OSBPL8: variants seen among roughly 807,000 people sequenced by gnomAD.
The protein encoded by OSBPL8 is oxysterol-binding protein-related protein 8.
A neutral mutation model predicts 125.5 loss-of-function variants in OSBPL8; 59 were observed. The ratio of observed to expected loss-of-function variants is 0.47; its 90% confidence interval spans 0.38 to 0.58. The LOEUF is 0.58. Ranked by LOEUF, OSBPL8 falls within the 20% of genes least tolerant of loss-of-function variation. The pLI, the probability that OSBPL8 is intolerant of heterozygous loss-of-function variation, is 0.00. For missense variants in OSBPL8, 758 were observed against 1,047.8 expected (o/e 0.72, Z 3.82); for synonymous variants, 330 against 338.9 (o/e 0.97, Z 0.29).
At chr12:76,408,394 A>G (rs539480755) in intron 5 of OSBPL8, among the ~76,000 whole-genome samples, 2 of 148,716 alleles carry the variant, frequency 1.3e-5, no homozygotes, top group South Asian at 2.2e-4. Context: ...CCCAGGAGGC[A>G]GAGCTTGCAG....
chr12:76,356,632 A>C lies in OSBPL8; in HGVS notation c.2531T>G (p.Ile844Ser). The C allele has an allele frequency of 6.3e-7, 1 of 1,588,878 alleles. No homozygotes were observed. ...AGTGTCATTATATTATTACCTTTTA[A>C]TTTCTTCCTGTGTTTGTTTTATAGA... ...IESIKQTQEEIKRNIMALRNH... is the reference protein window; with the variant it reads ...IESIKQTQEESKRNIMALRNH... Residue 844 changes from isoleucine to serine, a missense_variant, in exon 23 of 24, where the codon ATT (isoleucine) becomes AGT (serine). Physicochemically the swap from Ile to Ser is moderately radical, Grantham distance 142. This residue lies in a region of OSBPL8 where 572 missense variants were observed against 762.0 expected (regional missense o/e 0.75). Coordinates refer to ENST00000261183, the MANE Select transcript of OSBPL8 (RefSeq NM_020841.5).
chr12:76,393,584 G>A (rs975179701), intron 9 of OSBPL8, among the ~76,000 whole-genome samples: 4 of 151,450 alleles, frequency 2.6e-5, no homozygotes, highest in South Asian at 2.1e-4. Flanking sequence ...GGTGGCAGGC[G>A]CCTGTAGTCC....
At chr12:76,379,518 C>T (rs1952956940) in intron 15 of OSBPL8, among the ~76,000 whole-genome samples, 2 of 152,242 alleles carry the variant, frequency 1.3e-5, no homozygotes, top group East Asian at 1.9e-4. Context: ...TCCTCCTTGC[C>T]CCTGAGCAGT....
At chr12:76,373,711 G>A (rs1330475989) in intron 17 of OSBPL8, among the ~76,000 whole-genome samples, 2 of 107,484 alleles carry the variant, frequency 1.9e-5, no homozygotes, top group Non-Finnish European at 3.8e-5. Context: ...CATGTTCCAT[G>A]TATGCTCAAA....
chr12:76,484,064 T>C (rs1877863557), intron 2 of OSBPL8, among the ~76,000 whole-genome samples: 1 of 152,142 alleles, frequency 6.6e-6, no homozygotes, highest in Non-Finnish European at 1.5e-5. Flanking sequence ...TGACAAACCA[T>C]TACTTGCAGA....
chr12:76,494,208 T>G (rs1057157503), intron 1 of OSBPL8, among the ~76,000 whole-genome samples: 1 of 152,212 alleles, frequency 6.6e-6, no homozygotes, highest in African/African-American at 2.4e-5. Flanking sequence ...GTTTTCTTGC[T>G]TTTTCATGTT....
chr12:76,352,209 T>C lies in OSBPL8; in HGVS notation c.*3680A>G, dbSNP rs1361692240. The C allele has an allele frequency of 1.3e-5, 2 of 152,546 alleles. No individual in the cohort carries two copies. Among genetic ancestry groups the C allele is most frequent in the Non-Finnish European group, 1.5e-5 (1 of 68,012 alleles). The allele number at this position is 152,546 out of a possible 1,614,324, so 9.4% of individuals were successfully genotyped here. A position where few individuals can be genotyped will look rare whatever the true frequency, so the allele number is the denominator to read the frequency against. ...CATTTTTTTTCTTTAAGTGAAAAAT[T>C]TTGATACTGTAAAACAGTTTTACAT... On this transcript the variant is annotated 3_prime_UTR_variant, in exon 24 of 24. Coordinates refer to ENST00000261183, the MANE Select transcript of OSBPL8 (RefSeq NM_020841.5).
chr12:76,356,163 G>C (rs1592504724), intron 23 of OSBPL8, 142 bp from the exon 24 acceptor site: 2 of 221,678 alleles, frequency 9.0e-6, no homozygotes, highest in African/African-American at 1.0e-4. Context: ...ATGTAGGGGT[G>C]GGGGGGGGCG....
At chr12:76,421,036 T>C (rs1869411065) in intron 4 of OSBPL8, among the ~76,000 whole-genome samples, 1 of 152,056 alleles carries the variant, frequency 6.6e-6, no homozygotes, top group South Asian at 2.1e-4. Flanking sequence ...TTTAACTGCC[T>C]AATTAAATAA....
intron 1 of OSBPL8, among the ~76,000 whole-genome samples, chr12:76,494,328 C>G (rs2137070020): frequency 6.6e-6 from 1 of 152,228 alleles, no homozygotes; most frequent in South Asian, 2.1e-4. Flanking sequence ...CATTCTAGGG[C>G]ACTGACTGGG....
At chr12:76,456,364 G>A (rs1007531758) in intron 3 of OSBPL8, among the ~76,000 whole-genome samples, 1 of 152,098 alleles carries the variant, frequency 6.6e-6, no homozygotes, top group African/African-American at 2.4e-5. Context: ...AGTCAAAAAT[G>A]TGTATTTAGG....
intron 1 of OSBPL8, among the ~76,000 whole-genome samples, chr12:76,504,279 A>G (rs1880198733): frequency 3.3e-5 from 5 of 152,090 alleles, no homozygotes; most frequent in African/African-American, 7.2e-5. Flanking sequence ...CTGTTTTTCT[A>G]GAGTACCCTG....
chr12:76,395,692 C>A (rs1363050775), intron 8 of OSBPL8, among the ~76,000 whole-genome samples: 1 of 151,950 alleles, frequency 6.6e-6, no homozygotes, highest in Non-Finnish European at 1.5e-5. Context: ...TTTATGTGTA[C>A]AATGGGAAGA....
At chr12:76,485,503 C>T (rs532346071) in intron 2 of OSBPL8, among the ~76,000 whole-genome samples, 7 of 152,150 alleles carry the variant, frequency 4.6e-5, no homozygotes, top group East Asian at 3.9e-4. Context: ...AACCAGGAGG[C>T]GGAGGTTGCG....
At chr12:76,382,629 C>T (rs200173386) in intron 15 of OSBPL8, among the ~76,000 whole-genome samples, 5 of 152,062 alleles carry the variant, frequency 3.3e-5, no homozygotes, top group Non-Finnish European at 7.4e-5. Context: ...ACGCCTGTAA[C>T]CCCAGCACTT....
At chr12:76,472,472 C>T (rs1876264805) in intron 2 of OSBPL8, among the ~76,000 whole-genome samples, 1 of 152,208 alleles carries the variant, frequency 6.6e-6, no homozygotes, top group Non-Finnish European at 1.5e-5. Flanking sequence ...GAAAAGACAG[C>T]TGGGCCCGGG....
At chr12:76,464,295 AAC>A (rs1483325472) in intron 2 of OSBPL8, among the ~76,000 whole-genome samples, 8 of 152,182 alleles carry the variant, frequency 5.3e-5, no homozygotes, top group Admixed American at 2.0e-4. Flanking sequence ...TCTAAAAAGC[AAC>A]AGTTTCTCTA....
intron 1 of OSBPL8, among the ~76,000 whole-genome samples, chr12:76,556,391 T>G (rs1951100043): frequency 6.6e-6 from 1 of 152,138 alleles, no homozygotes. Flanking sequence ...GAAGAAAAAT[T>G]CCTTCTATCA....
intron 1 of OSBPL8, chr12:76,534,340 A>C (rs2137367713): frequency 6.6e-6 from 1 of 152,312 alleles, no homozygotes; most frequent in East Asian, 1.9e-4. Flanking sequence ...AAAGTGTTAC[A>C]ATTTCATTTC....
Sources: gnomAD v4.1 joint callset for allele counts (sites outside exome capture counted in the v4.1 genomes callset) on GRCh38, gnomAD v4.1.1 for gene constraint, gnomAD v4.1.1 regional missense constraint, MANE v1.5 for transcripts, NCBI Gene and HGNC (gene_info 2026-07-23, HGNC 2026-07-21) for gene names.